GPR176: variants seen among roughly 807,000 people sequenced by gnomAD.
GPR176 encodes the protein G protein-coupled receptor 176, also known as G-protein coupled receptor 176.
In GPR176, 26 loss-of-function variants were observed where a neutral mutation model predicts 35.4. The observed-to-expected ratio is 0.74, with a 90% CI of 0.54 to 1.02. The LOEUF (loss-of-function observed/expected upper bound fraction) is 1.02, where lower values mean the gene tolerates loss of function less well. Among genes scored for constraint, GPR176 ranks in the 50% least tolerant of loss-of-function variants. GPR176 has a pLI of 0.00. For missense variants in GPR176, 597 were observed against 665.3 expected (o/e 0.90, Z 1.13); for synonymous variants, 278 against 271.3 (o/e 1.02, Z -0.24).
chr15:39,810,793 G>A (rs1899496518), intron 1 of GPR176, among the ~76,000 whole-genome samples: 1 of 152,216 alleles, frequency 6.6e-6, no homozygotes. Context: ...GGATCGACAA[G>A]GGTCAGAAAG....
intron 1 of GPR176, among the ~76,000 whole-genome samples, chr15:39,878,906 C>G (rs932854512): frequency 6.6e-6 from 1 of 152,224 alleles, no homozygotes; most frequent in Admixed American, 6.5e-5. Flanking sequence ...GAAGAAACCC[C>G]TATGTATTTA....
At position 39,893,636 on chromosome 15, in the gene GPR176, G is replaced by A. The variant is rs1452287013; in HGVS notation, c.172+26219C>T. Among the ~76,000 whole-genome samples, 4 of 152,274 alleles carry A rather than the reference G, an allele frequency of 2.6e-5. No homozygotes were observed. The South Asian group carries it at 8.3e-4, about 32-fold the overall frequency. On this transcript the variant is annotated intron_variant, in intron 1 of 2. Coordinates refer to ENST00000561100, the MANE Select transcript of GPR176 (RefSeq NM_007223.3). ...CTGTTGGGCACACCTCCCAGACGGG[G>A]TGGTGGCCGGGCAGAGGGGCTCCTC...
At chr15:39,803,698 C>T (rs1899028042) in intron 2 of GPR176, among the ~76,000 whole-genome samples, 1 of 152,138 alleles carries the variant, frequency 6.6e-6, no homozygotes, top group African/African-American at 2.4e-5. Context: ...AAGATACACA[C>T]ACTAATAATT....
At chr15:39,826,836 A>T (rs1900692597) in intron 1 of GPR176, among the ~76,000 whole-genome samples, 1 of 152,178 alleles carries the variant, frequency 6.6e-6, no homozygotes, top group Admixed American at 6.5e-5. Context: ...CTGACCACTG[A>T]CACAGTGTAT....
chr15:39,859,206 G>A (rs559763865), intron 1 of GPR176, among the ~76,000 whole-genome samples: 7 of 152,038 alleles, frequency 4.6e-5, no homozygotes, highest in Admixed American at 1.3e-4. Context: ...GAATAGAATC[G>A]TAATATAGGA....
chr15:39,830,741 TTTC>T (rs1901019418), intron 1 of GPR176, among the ~76,000 whole-genome samples: 1 of 152,248 alleles, frequency 6.6e-6, no homozygotes, highest in Non-Finnish European at 1.5e-5. Context: ...AATGCTCTAT[TTTC>T]TTAATTCTAA....
In GPR176 at chr15:39,801,505, G is replaced by A; in HGVS notation, c.1175C>T (p.Ala392Val). The A allele has an allele frequency of 1.2e-6, 2 of 1,614,102 alleles. No homozygotes were observed. The highest frequency in any genetic ancestry group is 1.1e-5 in the South Asian group (1 of 91,084). The change falls in exon 3 of 3, where the codon GCC (alanine) becomes GTC (valine). Residue 392 changes from alanine (A) to valine (V), a missense_variant. Physicochemically the swap from Ala to Val is moderately conservative, Grantham distance 64. Around this residue, in one of 3 missense-constraint regions of GPR176, gnomAD observed 251 missense variants for 255.4 expected, o/e 0.98. Coordinates refer to ENST00000561100, the MANE Select transcript of GPR176 (RefSeq NM_007223.3). Reference sequence around the variant, plus strand: ...GAAGTCAGCTGAGCCAATGTACTTGGCCTCACTCTCTTCCTCATCCTCTGT... The same window carrying A: ...GAAGTCAGCTGAGCCAATGTACTTGACCTCACTCTCTTCCTCATCCTCTGT... ...KPTEDEEESE[A>V]KYIGSADFQA...
chr15:39,892,197 G>A (rs2032898732), intron 1 of GPR176, among the ~76,000 whole-genome samples: 1 of 152,194 alleles, frequency 6.6e-6, no homozygotes, highest in African/African-American at 2.4e-5. Flanking sequence ...AGGGGTGACA[G>A]CACAAAGAGA....
chr15:39,919,200 T>C (rs1470262507), intron 1 of GPR176, among the ~76,000 whole-genome samples: 1 of 150,684 alleles, frequency 6.6e-6, no homozygotes, highest in Non-Finnish European at 1.5e-5. Flanking sequence ...TACCTAAATC[T>C]GGGATGTGTG....
At chr15:39,890,554 G>C (rs1325187896) in intron 1 of GPR176, among the ~76,000 whole-genome samples, 2 of 152,188 alleles carry the variant, frequency 1.3e-5, no homozygotes, top group Non-Finnish European at 2.9e-5. Context: ...CATATACTTT[G>C]ATTTTGACTG....
At chr15:39,855,999 T>G (rs1416520703) in intron 1 of GPR176, among the ~76,000 whole-genome samples, 3 of 152,076 alleles carry the variant, frequency 2.0e-5, no homozygotes, top group African/African-American at 7.2e-5. Flanking sequence ...CGAAACAAAT[T>G]CAGAAAAATA....
intron 1 of GPR176, chr15:39,807,613 A>G (rs1241683855): frequency 2.7e-6 from 3 of 1,126,586 alleles, no homozygotes; most frequent in Non-Finnish European, 3.9e-6. Flanking sequence ...AGTGACCTCC[A>G]TGTTGCCAAA....
At chr15:39,822,171 C>T (rs897666099) in intron 1 of GPR176, among the ~76,000 whole-genome samples, 3 of 152,178 alleles carry the variant, frequency 2.0e-5, no homozygotes, top group Admixed American at 6.5e-5. Context: ...GGCCACAGCT[C>T]TGGCCAACAT....
chr15:39,908,447 C>G (rs1203203683), intron 1 of GPR176, among the ~76,000 whole-genome samples: 1 of 152,162 alleles, frequency 6.6e-6, no homozygotes, highest in Non-Finnish European at 1.5e-5. Flanking sequence ...AATCGTACAT[C>G]TGACTTATCT....
chr15:39,878,664 G>A (rs776516017), intron 1 of GPR176, among the ~76,000 whole-genome samples: 4 of 152,112 alleles, frequency 2.6e-5, no homozygotes, highest in Non-Finnish European at 5.9e-5. Context: ...TGGATCATAT[G>A]GTAGTTCTGT....
intron 1 of GPR176, among the ~76,000 whole-genome samples, chr15:39,851,769 T>A (rs2094034822): frequency 6.6e-6 from 1 of 152,224 alleles, no homozygotes; most frequent in Non-Finnish European, 1.5e-5. Flanking sequence ...TAGCACTTTT[T>A]TTCCCAACAT....
intron 1 of GPR176, among the ~76,000 whole-genome samples, chr15:39,856,762 T>C (rs976555159): frequency 9.2e-5 from 14 of 152,196 alleles, no homozygotes; most frequent in African/African-American, 3.4e-4. Context: ...TCACACTCAA[T>C]GGGATGAATA....
In GPR176 at chr15:39,817,068, C is replaced by CAA. The variant is rs58812005; in HGVS notation, c.173-9812_173-9811dup. 6.5e-5 allele frequency among the ~76,000 whole-genome samples: 5 copies of CAA among 77,286 alleles called. 1 individual carries two copies. Among genetic ancestry groups the CAA allele is most frequent in the African/African-American group, 2.3e-4 (4 of 17,224 alleles). The allele number at this position is 77,286 out of a possible 152,430, so 50.7% of individuals were successfully genotyped here. ...TTGGTAACAGAGCAGGATTCTGTCT[C>CAA]AAAAAAAAAAAAAAAGCTTTGAAAA... On this transcript the variant is annotated intron_variant, in intron 1 of 2. Transcript: ENST00000561100.
At position 39,802,142 on chromosome 15, in the gene GPR176, C is replaced by T; in HGVS notation, c.538G>A (p.Val180Ile). ...GCATAGATGTCAGCCACATTGGTTA[C>T]TGCAAACACAGGGACACTGGCCACC... ...AVVASVPVFA[V>I]TNVADIYATS... The change falls in exon 3 of 3, where the codon GTA becomes ATA. Residue 180 changes from valine (V) to isoleucine (I), a missense_variant. Physicochemically the swap from Val to Ile is conservative, Grantham distance 29. Transcript: ENST00000561100. 1 of 1,614,218 alleles carries T rather than the reference C, an allele frequency of 6.2e-7. No homozygotes were observed. Among genetic ancestry groups the T allele is most frequent in the Non-Finnish European group, 8.5e-7 (1 of 1,180,038 alleles).
Sources: gnomAD v4.1 joint callset for allele counts (sites outside exome capture counted in the v4.1 genomes callset) on GRCh38, gnomAD v4.1.1 for gene constraint, gnomAD v4.1.1 regional missense constraint, MANE v1.5 for transcripts, NCBI Gene and HGNC (gene_info 2026-07-23, HGNC 2026-07-21) for gene names.